The following PLEKHA2 variants were observed in gnomAD, a reference collection of about 807,000 sequenced individuals.
The protein encoded by PLEKHA2 is pleckstrin homology domain containing A2.
A neutral mutation model predicts 53.2 loss-of-function variants in PLEKHA2; 28 were observed. The observed-to-expected ratio is 0.53, with a 90% confidence interval of 0.39 to 0.72. PLEKHA2 has a LOEUF of 0.72. PLEKHA2 is among the 30% of genes least tolerant of loss of function. The probability of loss-of-function intolerance (pLI) is 0.00; values close to 1 mark genes in which losing one functional copy is unlikely to be tolerated. For missense variants in PLEKHA2, 426 were observed against 537.9 expected (o/e 0.79, Z 2.06); for synonymous variants, 193 against 196.4 (o/e 0.98, Z 0.14).
intron 1 of PLEKHA2, among the ~76,000 whole-genome samples, chr8:38,912,312 A>G (rs1275802376): frequency 6.6e-6 from 1 of 152,258 alleles, no homozygotes; most frequent in Non-Finnish European, 1.5e-5. Context: ...CTCAAAAAAC[A>G]AAACAAACAA....
rs9643901 is a variant in PLEKHA2, at chr8:38,922,129, G to A, written c.141+4059G>A. Among the ~76,000 whole-genome samples, 124,983 of 152,072 alleles carry A rather than the reference G, an allele frequency of 0.82. 52,060 individuals are homozygous for A. Among genetic ancestry groups the A allele is most frequent in the African/African-American group, 0.93 (38,652 of 41,480 alleles). ...TAGCACAGCTGGGACTCTAACCCCG[G>A]CAGTCTAACTCTAGTGCCCCTGCCA... On this transcript the variant is annotated intron_variant, in intron 2 of 11. Coordinates refer to ENST00000617275, the MANE Select transcript of PLEKHA2 (RefSeq NM_021623.2). This position sits in a 1 kb window ranked among gnomAD's most constrained non-coding sequence, Gnocchi z 4.0.
At chr8:38,921,744 G>A (rs1010202948) in intron 2 of PLEKHA2, among the ~76,000 whole-genome samples, 4 of 152,226 alleles carry the variant, frequency 2.6e-5, no homozygotes, top group African/African-American at 9.6e-5. Flanking sequence ...CCCACTGCTG[G>A]GGATTCTTTA....
intron 1 of PLEKHA2, among the ~76,000 whole-genome samples, chr8:38,915,106 G>A (rs533150756): frequency 2.6e-5 from 4 of 152,150 alleles, no homozygotes; most frequent in Non-Finnish European, 4.4e-5. Context: ...CACCGTGCCT[G>A]GCTAATTTTT....
chr8:38,927,848 A>G (rs1433842578), intron 2 of PLEKHA2, among the ~76,000 whole-genome samples: 2 of 152,094 alleles, frequency 1.3e-5, no homozygotes, highest in East Asian at 1.9e-4. Context: ...TGGCCAGGAC[A>G]TCGGGATGGA....
chr8:38,967,723 G>T (rs567157075), intron 10 of PLEKHA2, among the ~76,000 whole-genome samples: 48 of 150,818 alleles, frequency 3.2e-4, no homozygotes, highest in African/African-American at 1.1e-3. Flanking sequence ...GTGCAGTGGT[G>T]TGATCTCGGC....
intron 10 of PLEKHA2, 67 bp downstream of exon 10, chr8:38,957,453 T>C: frequency 1.5e-6 from 2 of 1,349,086 alleles, no homozygotes; most frequent in Non-Finnish European, 1.0e-6. Context: ...ACAGGCCGTG[T>C]CCTTTCCTTT....
intron 1 of PLEKHA2, among the ~76,000 whole-genome samples, chr8:38,911,496 C>T (rs1321757716): frequency 6.6e-6 from 1 of 152,130 alleles, no homozygotes; most frequent in African/African-American, 2.4e-5. Context: ...TTCGGCCTCC[C>T]AAAGTGCTGG....
At position 38,922,809 on chromosome 8, in the gene PLEKHA2, C is replaced by T. The variant is rs1461533620; in HGVS notation, c.141+4739C>T. Among the ~76,000 whole-genome samples, 2 of 152,184 alleles carry T rather than the reference C, an allele frequency of 1.3e-5. No individual in the cohort carries two copies. The highest frequency in any genetic ancestry group is 6.5e-5 in the Admixed American group (1 of 15,282). On this transcript the variant is annotated intron_variant, in intron 2 of 11. Coordinates refer to ENST00000617275, the MANE Select transcript of PLEKHA2 (RefSeq NM_021623.2). The surrounding 1 kb of genome is among the most constrained non-coding windows in gnomAD (Gnocchi z 4.0). ...CTTTTACATGTGTTACCCCATGGAA[C>T]CTCTCCATAATCCTGGGGCCTAGGG... is the stretch of plus-strand genomic sequence containing the variant.
intron 2 of PLEKHA2, among the ~76,000 whole-genome samples, chr8:38,934,007 T>A (rs562720130): frequency 3.9e-5 from 6 of 152,020 alleles, no homozygotes; most frequent in Non-Finnish European, 7.4e-5. Context: ...TTTTTGGTAG[T>A]ATTATCCCCG....
intron 2 of PLEKHA2, among the ~76,000 whole-genome samples, chr8:38,924,834 T>C (rs1779275764): frequency 6.6e-6 from 1 of 152,178 alleles, no homozygotes; most frequent in Non-Finnish European, 1.5e-5. Flanking sequence ...TTAGAATCAG[T>C]GTGGTTAAGT....
At chr8:38,947,968 C>T (rs1176440263) in intron 5 of PLEKHA2, among the ~76,000 whole-genome samples, 3 of 151,716 alleles carry the variant, frequency 2.0e-5, no homozygotes, top group Admixed American at 2.0e-4. Flanking sequence ...GCACCGTAAT[C>T]CCAGCTACTT....
In PLEKHA2 at chr8:38,969,381, C is replaced by T. The variant is rs530914811; in HGVS notation, c.916-40C>T. 8.8e-6 allele frequency: 14 copies of T among 1,589,794 alleles called. No homozygotes were observed. The South Asian group carries it at 1.0e-4, about 12-fold the overall frequency. On this transcript the variant is annotated intron_variant, in intron 11 of 11. Coordinates refer to ENST00000617275, the MANE Select transcript of PLEKHA2 (RefSeq NM_021623.2). The stretch of plus-strand genomic sequence containing the variant: ...TGTGATAAACATTGTCTGAAAAGCC[C>T]TAACTTTCTTTTGTCTTTTTCTTCC...
chr8:38,926,067 T>A (rs1162187765), intron 2 of PLEKHA2, among the ~76,000 whole-genome samples: 8 of 152,260 alleles, frequency 5.3e-5, no homozygotes, highest in Admixed American at 5.2e-4. Context: ...CAGTTTCTTG[T>A]GTCTGTCTGG....
chr8:38,940,860 A>G (rs1460999003), intron 3 of PLEKHA2, among the ~76,000 whole-genome samples: 1 of 151,596 alleles, frequency 6.6e-6, no homozygotes, highest in Admixed American at 6.6e-5. Context: ...CTCACATCTC[A>G]AAATGTACAT....
At chr8:38,935,484 A>G (rs1360079316) in intron 2 of PLEKHA2, among the ~76,000 whole-genome samples, 1 of 151,350 alleles carries the variant, frequency 6.6e-6, no homozygotes, top group Non-Finnish European at 1.5e-5. Flanking sequence ...AGTGGCATGA[A>G]CACAGCTTAC....
rs1835286218 is a variant in PLEKHA2, at chr8:38,973,330, G to C, written c.*3547G>C. 6.6e-6 allele frequency: 1 copy of C among 151,914 alleles called. No individual in the cohort carries two copies. The highest frequency in any genetic ancestry group is 1.5e-5 in the Non-Finnish European group (1 of 67,968). The allele number at this position is 151,914 out of a possible 1,614,324, so 9.4% of individuals were successfully genotyped here. ...AGTAGTTTTAAGGTCCAGCTTCTTA[G>C]TCTACTTGAAGCAAATTTTTTTTCT... is the stretch of plus-strand genomic sequence containing the variant. On this transcript the variant is annotated 3_prime_UTR_variant, in exon 12 of 12. Transcript: ENST00000617275.
At chr8:38,967,556 G>T (rs1284825710) in intron 10 of PLEKHA2, among the ~76,000 whole-genome samples, 1 of 151,992 alleles carries the variant, frequency 6.6e-6, no homozygotes, top group Non-Finnish European at 1.5e-5. Flanking sequence ...GGTATGAGAT[G>T]ATTTTAATTT....
chr8:38,902,601 T>C (rs1833808775), intron 1 of PLEKHA2, among the ~76,000 whole-genome samples: 1 of 152,180 alleles, frequency 6.6e-6, no homozygotes. Flanking sequence ...ATTGCACTAA[T>C]GGTGTTCTTA....
intron 10 of PLEKHA2, among the ~76,000 whole-genome samples, chr8:38,963,551 C>G (rs1835077706): frequency 6.6e-6 from 1 of 152,054 alleles, no homozygotes; most frequent in Non-Finnish European, 1.5e-5. Context: ...GTTTTTGTTT[C>G]TCATGAATCC....
Sources: allele counts gnomAD v4.1 joint callset (sites outside exome capture counted in the v4.1 genomes callset), GRCh38; gene constraint gnomAD v4.1.1; non-coding constraint Gnocchi (gnomAD v3.1); transcripts MANE v1.5; gene names NCBI Gene and HGNC (gene_info 2026-07-23, HGNC 2026-07-21).